Variants in ROBO2 observed in about 807,000 individuals in gnomAD.
The protein encoded by ROBO2 is roundabout homolog 2.
Under a neutral mutation model 160.8 loss-of-function variants are expected in ROBO2, and 53 were observed. That is an observed-to-expected ratio of 0.33 (90% CI 0.26 to 0.41). ROBO2 has a LOEUF of 0.41. ROBO2 is among the 10% of genes least tolerant of loss of function. The probability of loss-of-function intolerance (pLI) is 1.00; values close to 1 mark genes in which losing one functional copy is unlikely to be tolerated. For synonymous variants in ROBO2, 664 were observed against 611.7 expected, an observed-to-expected ratio of 1.09 and a Z score of -1.26; for missense variants, 1,577 against 1,722.4, an observed-to-expected ratio of 0.92 and a Z score of 1.49.
At chr3:76,726,113 A>C (rs1299427507) in intron 2 of ROBO2, among the ~76,000 whole-genome samples, 1 of 152,280 alleles carries the variant, frequency 6.6e-6, no homozygotes, top group South Asian at 2.1e-4. Context: ...AAAGTAAATT[A>C]CTTCAAAGAA....
chr3:77,379,774 A>G (rs925288275), intron 2 of ROBO2, among the ~76,000 whole-genome samples: 7 of 152,162 alleles, frequency 4.6e-5, no homozygotes, highest in African/African-American at 1.7e-4. Context: ...TAGCTTCAGC[A>G]GGATCTCTTC....
Position 77,244,337 on chromosome 3 carries a change from T to A in ROBO2, c.388+145997T>A, listed in dbSNP as rs895138461. ...AAGGAGAAATGATAGGGGAAGACAG[T>A]AGTTGTCAGGAAAACATGGTAAAAA... On this transcript the variant is annotated intron_variant, in intron 2 of 25. Transcript: ENST00000461745. Among the ~76,000 whole-genome samples the A allele has an allele frequency of 3.4e-4, 51 of 152,148 alleles. 1 individual carries two copies. The highest frequency in any genetic ancestry group is 1.5e-4 in the Non-Finnish European group (10 of 68,020).
intron 2 of ROBO2, among the ~76,000 whole-genome samples, chr3:76,600,338 T>G (rs1481981535): frequency 6.6e-6 from 1 of 152,214 alleles, no homozygotes; most frequent in Non-Finnish European, 1.5e-5. Context: ...TTTTTAAACC[T>G]TCTACATTAA....
intron 11 of ROBO2, among the ~76,000 whole-genome samples, chr3:77,564,279 G>A (rs1398256125): frequency 6.6e-6 from 1 of 152,044 alleles, no homozygotes; most frequent in African/African-American, 2.4e-5. Flanking sequence ...TAGACAAACT[G>A]TTCTAAAATG....
At chr3:77,190,068 T>A (rs2081682889) in intron 2 of ROBO2, among the ~76,000 whole-genome samples, 1 of 151,982 alleles carries the variant, frequency 6.6e-6, no homozygotes, top group Non-Finnish European at 1.5e-5. Context: ...GTAGTTTGGG[T>A]TGATTTAACA....
intron 2 of ROBO2, among the ~76,000 whole-genome samples, chr3:76,443,333 A>C (rs1389337124): frequency 6.6e-6 from 1 of 152,090 alleles, no homozygotes; most frequent in East Asian, 1.9e-4. Context: ...TCCAAAATGT[A>C]TCAGTATGTA....
chr3:76,442,787 A>G (rs1044875171), intron 2 of ROBO2, among the ~76,000 whole-genome samples: 4 of 152,120 alleles, frequency 2.6e-5, no homozygotes, highest in African/African-American at 9.7e-5. Context: ...CAGAGTGACT[A>G]TTGCAGAATC....
At chr3:76,530,037 T>C (rs2082142414) in intron 2 of ROBO2, among the ~76,000 whole-genome samples, 1 of 152,150 alleles carries the variant, frequency 6.6e-6, no homozygotes, top group African/African-American at 2.4e-5. Context: ...AGACACTCTC[T>C]CATCTAGATT....
intron 2 of ROBO2, among the ~76,000 whole-genome samples, chr3:76,753,224 A>G (rs1467608404): frequency 2.6e-5 from 4 of 151,860 alleles, no homozygotes; most frequent in African/African-American, 4.8e-5. Flanking sequence ...CATTTGTTTT[A>G]AATTCTTTTG....
chr3:77,137,153 T>C (rs2076344242), intron 2 of ROBO2, among the ~76,000 whole-genome samples: 1 of 152,174 alleles, frequency 6.6e-6, no homozygotes, highest in African/African-American at 2.4e-5. Context: ...CAGAGTCTAC[T>C]CTCCTTTAAA....
chr3:76,622,211 G>A lies in ROBO2; in HGVS notation c.110-475803G>A, dbSNP rs1300968977. On this transcript the variant is annotated intron_variant, in intron 2 of 26. Coordinates refer to the ROBO2 transcript ENST00000487694. ...AAAAGAAAGGAAGGAAGGAAGGAAGGAAGGAAGGAAGGAAGGAAGGAAGGA... is the reference window on the plus strand; with the variant it reads ...AAAAGAAAGGAAGGAAGGAAGGAAGAAAGGAAGGAAGGAAGGAAGGAAGGA... 1.1e-3 allele frequency among the ~76,000 whole-genome samples: 28 copies of A among 25,426 alleles called. No homozygotes were observed. In the South Asian group the frequency reaches 0.028, roughly 26 times the overall value. 16.7% of individuals were successfully genotyped at this position (25,426 alleles called of 152,430 possible).
chr3:77,249,482 A>T (rs1302156039), intron 2 of ROBO2, among the ~76,000 whole-genome samples: 1 of 152,228 alleles, frequency 6.6e-6, no homozygotes, highest in South Asian at 2.1e-4. Context: ...GACTTAACAT[A>T]GCATCTCACG....
chr3:77,427,093 A>C (rs2078287066), intron 2 of ROBO2, among the ~76,000 whole-genome samples: 1 of 152,166 alleles, frequency 6.6e-6, no homozygotes. Context: ...GAGAGGGCAT[A>C]TGGAATGTGC....
chr3:76,544,346 T>TA (rs56941860), intron 2 of ROBO2, among the ~76,000 whole-genome samples: 1 of 152,154 alleles, frequency 6.6e-6, no homozygotes, highest in African/African-American at 2.4e-5. Flanking sequence ...TTTAATCTTT[T>TA]AAAAAATGAA....
chr3:76,577,008 A>G (rs563668951), intron 2 of ROBO2, among the ~76,000 whole-genome samples: 9 of 152,146 alleles, frequency 5.9e-5, no homozygotes, highest in Non-Finnish European at 1.2e-4. Context: ...GAAATAAAAC[A>G]TGACTTCTTT....
Position 77,083,286 on chromosome 3 carries a change from G to A in ROBO2, c.62-14728G>A, listed in dbSNP as rs145872975. On this transcript the variant is annotated intron_variant, in intron 1 of 25. Coordinates refer to ENST00000461745, the Ensembl canonical transcript of ROBO2. ...GAGGTTCAGAGTTTTGTACTTCATC[G>A]TAACACTCATGAGGCAACTTGTATG... is the stretch of plus-strand genomic sequence containing the variant. Among the ~76,000 whole-genome samples the A allele has an allele frequency of 1.2e-4, 19 of 152,228 alleles. No individual in the cohort carries two copies. The East Asian group carries it at 3.1e-3, about 25-fold the overall frequency.
At chr3:76,701,351 T>C (rs2093041064) in intron 2 of ROBO2, among the ~76,000 whole-genome samples, 1 of 152,132 alleles carries the variant, frequency 6.6e-6, no homozygotes, top group Admixed American at 6.6e-5. Context: ...TTAGTGGCTT[T>C]TCAAAGTTAA....
At chr3:77,307,095 G>A (rs2153418250) in intron 2 of ROBO2, among the ~76,000 whole-genome samples, 1 of 152,240 alleles carries the variant, frequency 6.6e-6, no homozygotes, top group South Asian at 2.1e-4. Flanking sequence ...ATAGCTGTCT[G>A]AGAAATAGGG....
chr3:77,505,194 G>T (rs1307051447), intron 5 of ROBO2, among the ~76,000 whole-genome samples: 5 of 152,182 alleles, frequency 3.3e-5, no homozygotes, highest in Non-Finnish European at 1.5e-5. Context: ...ATTCTTTCAT[G>T]TAGAGTAGCT....
Sources: allele counts gnomAD v4.1 joint callset (sites outside exome capture counted in the v4.1 genomes callset), GRCh38; gene constraint gnomAD v4.1.1; transcripts MANE v1.5; gene names NCBI Gene and HGNC (gene_info 2026-07-23, HGNC 2026-07-21).